HTR2A: variants seen among roughly 807,000 people sequenced by gnomAD.
HTR2A encodes the protein 5-hydroxytryptamine receptor 2A, also known as 5-HT2 receptor.
A neutral mutation model predicts 31.0 loss-of-function variants in HTR2A; 14 were observed. The ratio of observed to expected loss-of-function variants is 0.45; its 90% confidence interval spans 0.30 to 0.71. The LOEUF (loss-of-function observed/expected upper bound fraction) is 0.71, where lower values mean the gene tolerates loss of function less well. Among genes scored for constraint, HTR2A ranks in the 30% least tolerant of loss-of-function variants. HTR2A has a pLI of 0.09. For synonymous variants in HTR2A, 209 were observed against 225.2 expected, an observed-to-expected ratio of 0.93 and a Z score of 0.64; for missense variants, 442 against 573.3, an observed-to-expected ratio of 0.77 and a Z score of 2.34.
chr13:46,861,124 T>C (rs1479817756), intron 3 of HTR2A, among the ~76,000 whole-genome samples: 1 of 152,198 alleles, frequency 6.6e-6, no homozygotes, highest in Non-Finnish European at 1.5e-5. Flanking sequence ...TATCTCATAA[T>C]AGCTGGTAGG....
chr13:46,880,141 T>C (rs1472199634), intron 3 of HTR2A, among the ~76,000 whole-genome samples: 5 of 152,234 alleles, frequency 3.3e-5, no homozygotes, highest in Non-Finnish European at 7.3e-5. Context: ...TCTGAGTTAC[T>C]TGAGTGTAGC....
intron 3 of HTR2A, among the ~76,000 whole-genome samples, chr13:46,842,910 C>T (rs1044930185): frequency 3.9e-5 from 6 of 152,090 alleles, no homozygotes; most frequent in Admixed American, 3.9e-4. Flanking sequence ...CTTCGGTTAC[C>T]CAGTCAACCA....
At chr13:46,873,243 A>G (rs997381197) in intron 3 of HTR2A, among the ~76,000 whole-genome samples, 21 of 139,866 alleles carry the variant, frequency 1.5e-4, no homozygotes, top group Non-Finnish European at 1.6e-5. Flanking sequence ...TTCACTGATT[A>G]CATAGACACC....
chr13:46,875,566 T>G lies in HTR2A; in HGVS notation c.613+16824A>C, dbSNP rs567707978. Reference sequence around the variant, plus strand: ...TTTAAAGTGCCACCATACTTCATGTTTCTCAGCTCCTCCTGGTTAAAACAA... The same window carrying G: ...TTTAAAGTGCCACCATACTTCATGTGTCTCAGCTCCTCCTGGTTAAAACAA... On this transcript the variant is annotated intron_variant, in intron 3 of 3. Coordinates refer to ENST00000542664, the MANE Select transcript of HTR2A (RefSeq NM_000621.5). 2.0e-5 allele frequency among the ~76,000 whole-genome samples: 3 copies of G among 152,310 alleles called. No homozygotes were observed. The South Asian group carries it at 6.2e-4, about 32-fold the overall frequency.
chr13:46,895,306 A>ATGT lies in HTR2A; in HGVS notation c.412+188_412+189insACA. 1 of 592,088 alleles carries ATGT rather than the reference A, an allele frequency of 1.7e-6. No individual in the cohort carries two copies. Among genetic ancestry groups the ATGT allele is most frequent in the South Asian group, 2.1e-5 (1 of 46,778 alleles). 36.7% of individuals were successfully genotyped at this position (592,088 alleles called of 1,614,324 possible). ...AAACTCTCCAGTGATCACAGGTCAT[A>ATGT]GACTGTCTGATTTTTATGTGAAATC... is the stretch of plus-strand genomic sequence containing the variant. On this transcript the variant is annotated intron_variant, in intron 2 of 3. Transcript: ENST00000542664. The surrounding 1 kb of genome is among the most constrained non-coding windows in gnomAD (Gnocchi z 4.4).
At chr13:46,836,311 G>A (rs1876451856) in intron 3 of HTR2A, among the ~76,000 whole-genome samples, 2 of 151,814 alleles carry the variant, frequency 1.3e-5, no homozygotes, top group African/African-American at 4.8e-5. Context: ...AATGAATAAA[G>A]AAAAATAATA....
At chr13:46,837,526 CAA>C (rs1950570366) in intron 3 of HTR2A, among the ~76,000 whole-genome samples, 1 of 152,002 alleles carries the variant, frequency 6.6e-6, no homozygotes, top group African/African-American at 2.4e-5. Context: ...AATTGTAGAA[CAA>C]AGAGTGTTGT....
chr13:46,896,290 A>C, intron 1 of HTR2A, 56 bp from the exon 2 acceptor site: 3,752 of 967,718 alleles, frequency 3.9e-3, no homozygotes, highest in Non-Finnish European at 4.4e-3. Flanking sequence ...ACTATATCTC[A>C]TTTTGTTGGT....
At chr13:46,840,508 A>G (rs149684808) in intron 3 of HTR2A, among the ~76,000 whole-genome samples, 51 of 152,324 alleles carry the variant, frequency 3.3e-4, no homozygotes, top group Middle Eastern at 3.4e-3. Flanking sequence ...CAAAATTGTT[A>G]AAACATTACC....
chr13:46,853,880 A>G (rs1705969320), intron 3 of HTR2A: 1 of 152,088 alleles, frequency 6.6e-6, no homozygotes, highest in South Asian at 2.1e-4. Flanking sequence ...CTATTTTCCC[A>G]GAGGTTTTTT....
chr13:46,875,438 T>G (rs1305480931), intron 3 of HTR2A, among the ~76,000 whole-genome samples: 2 of 152,194 alleles, frequency 1.3e-5, no homozygotes, highest in Admixed American at 1.3e-4. Flanking sequence ...TTGTTCATCT[T>G]TACATCTCAC....
rs1294200669 is a variant in HTR2A at position 46,896,659 on chromosome 13, G to A, written c.-329+15C>T. 3 of 1,502,778 alleles carry A rather than the reference G, an allele frequency of 2.0e-6. No individual in the cohort carries two copies. The highest frequency in any genetic ancestry group is 1.8e-6 in the Non-Finnish European group (2 of 1,125,882). 93.1% of individuals were successfully genotyped at this position (1,502,778 alleles called of 1,614,324 possible). A position where few individuals can be genotyped will look rare whatever the true frequency, so the allele number is the denominator to read the frequency against. Reference sequence around the variant, plus strand: ...AAATTACACAGCAATAAAATATAGCGGCATGAGAACTTACATTTGTCTTCA... The same window carrying A: ...AAATTACACAGCAATAAAATATAGCAGCATGAGAACTTACATTTGTCTTCA... On this transcript the variant is annotated intron_variant, in intron 1 of 3. Coordinates refer to ENST00000542664, the MANE Select transcript of HTR2A (RefSeq NM_000621.5).
chr13:46,865,866 A>G (rs2138220274), intron 3 of HTR2A, among the ~76,000 whole-genome samples: 1 of 152,304 alleles, frequency 6.6e-6, no homozygotes, highest in Middle Eastern at 3.4e-3. Flanking sequence ...ATCAGCATTT[A>G]TCACTGATTG....
intron 3 of HTR2A, among the ~76,000 whole-genome samples, chr13:46,872,951 C>T (rs558241091): frequency 6.6e-6 from 1 of 152,180 alleles, no homozygotes; most frequent in Non-Finnish European, 1.5e-5. Flanking sequence ...AGTGCAATGG[C>T]GTGATCTCAG....
chr13:46,864,758 TGTGAGGA>T (rs1792661541), intron 3 of HTR2A, among the ~76,000 whole-genome samples: 1 of 134,332 alleles, frequency 7.4e-6, no homozygotes, highest in African/African-American at 2.7e-5. Context: ...CAAGTCCTTA[TGTGAGGA>T]CTAGCTAGTT....
At chr13:46,871,159 G>A (rs1950861184) in intron 3 of HTR2A, among the ~76,000 whole-genome samples, 1 of 152,142 alleles carries the variant, frequency 6.6e-6, no homozygotes, top group African/African-American at 2.4e-5. Flanking sequence ...CTGTTTACTT[G>A]TACTGAATTA....
chr13:46,872,427 C>T (rs1261135538), intron 3 of HTR2A, among the ~76,000 whole-genome samples: 1 of 152,178 alleles, frequency 6.6e-6, no homozygotes, highest in Non-Finnish European at 1.5e-5. Context: ...CTTTGCATCT[C>T]AATTAGTAAT....
At chr13:46,847,469 G>A (rs1950651396) in intron 3 of HTR2A, among the ~76,000 whole-genome samples, 1 of 152,178 alleles carries the variant, frequency 6.6e-6, no homozygotes, top group Non-Finnish European at 1.5e-5. Context: ...TGGTAGGAAG[G>A]GTGTTGCTTG....
intron 3 of HTR2A, among the ~76,000 whole-genome samples, chr13:46,843,410 T>C (rs1388367853): frequency 6.6e-6 from 1 of 152,180 alleles, no homozygotes; most frequent in Non-Finnish European, 1.5e-5. Flanking sequence ...TGTACTGCAG[T>C]GTCTCTCTGT....
Sources: allele counts gnomAD v4.1 joint callset (sites outside exome capture counted in the v4.1 genomes callset), GRCh38; gene constraint gnomAD v4.1.1; non-coding constraint Gnocchi (gnomAD v3.1); transcripts MANE v1.5; gene names NCBI Gene and HGNC (gene_info 2026-07-23, HGNC 2026-07-21).